The following MBD2 variants were observed in gnomAD, a reference collection of about 807,000 sequenced individuals.
MBD2 encodes methyl-CpG-binding domain protein 2.
Under a neutral mutation model 39.3 loss-of-function variants are expected in MBD2, and 9 were observed. The ratio of observed to expected loss-of-function variants is 0.23; its 90% CI spans 0.14 to 0.40. The LOEUF (loss-of-function observed/expected upper bound fraction) is 0.40. Ranked by LOEUF, MBD2 falls within the 10% of genes least tolerant of loss-of-function variation. The probability of loss-of-function intolerance (pLI) is 1.00; values close to 1 mark genes in which losing one functional copy is unlikely to be tolerated. For synonymous variants in MBD2, 233 were observed against 211.1 expected, an observed-to-expected ratio of 1.10 and a Z score of -0.90; for missense variants, 458 against 532.6, an observed-to-expected ratio of 0.86 and a Z score of 1.38.
chr18:54,219,705 C>G (rs1453042570), intron 1 of MBD2, among the ~76,000 whole-genome samples: 1 of 152,026 alleles, frequency 6.6e-6, no homozygotes, highest in East Asian at 1.9e-4. Flanking sequence ...TAAAGGCAAA[C>G]CAAGGTGAGG....
intron 3 of MBD2, among the ~76,000 whole-genome samples, chr18:54,188,452 A>T (rs899104363): frequency 4.6e-5 from 7 of 152,230 alleles, no homozygotes; most frequent in African/African-American, 1.4e-4. Context: ...AAGGGGTGGG[A>T]CAGATTTCAC....
At chr18:54,205,888 A>T (rs2926997) in intron 1 of MBD2, among the ~76,000 whole-genome samples, 1 of 151,974 alleles carries the variant, frequency 6.6e-6, no homozygotes, top group South Asian at 2.1e-4. Context: ...CAACTACGCC[A>T]GCAATAATCA....
chr18:54,178,926 T>TG (rs1421645055), intron 3 of MBD2, among the ~76,000 whole-genome samples: 3 of 152,150 alleles, frequency 2.0e-5, no homozygotes, highest in African/African-American at 4.8e-5. Context: ...GAAAATCACA[T>TG]GAAAAAAACT....
intron 5 of MBD2, among the ~76,000 whole-genome samples, chr18:54,161,051 A>G (rs572593055): frequency 6.6e-6 from 1 of 152,324 alleles, no homozygotes; most frequent in South Asian, 2.1e-4. Flanking sequence ...GGGACAGCAG[A>G]GAGGTAGAGG....
In MBD2 at chr18:54,152,748, C is replaced by G. The variant is rs1377690293; in HGVS notation, c.*2576G>C. On this transcript the variant is annotated 3_prime_UTR_variant, in exon 7 of 7. Coordinates refer to ENST00000256429, the MANE Select transcript of MBD2 (RefSeq NM_003927.5). Reference sequence around the variant, plus strand: ...CAATAGTGTGCTCCAATGTGAGCACCCACTATGTGCCAGGCACTGTGCTAC... The same window carrying G: ...CAATAGTGTGCTCCAATGTGAGCACGCACTATGTGCCAGGCACTGTGCTAC... 6.6e-6 allele frequency: 1 copy of G among 152,126 alleles called. No individual in the cohort carries two copies. Among genetic ancestry groups the G allele is most frequent in the African/African-American group, 2.4e-5 (1 of 41,422 alleles). 9.4% of individuals were successfully genotyped at this position (152,126 alleles called of 1,614,324 possible). A position where few individuals can be genotyped will look rare whatever the true frequency, so the allele number is the denominator to read the frequency against.
At chr18:54,177,949 C>G (rs910545953) in intron 3 of MBD2, among the ~76,000 whole-genome samples, 1 of 149,400 alleles carries the variant, frequency 6.7e-6, no homozygotes, top group East Asian at 2.0e-4. Context: ...AAGGAATCCT[C>G]CTGCCTCAGC....
At chr18:54,167,048 C>T (rs1032791036) in intron 3 of MBD2, among the ~76,000 whole-genome samples, 1 of 152,132 alleles carries the variant, frequency 6.6e-6, no homozygotes, top group Non-Finnish European at 1.5e-5. Flanking sequence ...TGTCACTGTC[C>T]TCATGCCTCA....
At chr18:54,219,835 C>G (rs1159148899) in intron 1 of MBD2, among the ~76,000 whole-genome samples, 3 of 152,220 alleles carry the variant, frequency 2.0e-5, no homozygotes, top group Non-Finnish European at 4.4e-5. Context: ...GTGTCTCGCT[C>G]TGTCGCCCAG....
chr18:54,203,317 G>C (rs2086423708), intron 2 of MBD2, among the ~76,000 whole-genome samples: 1 of 152,116 alleles, frequency 6.6e-6, no homozygotes, highest in Non-Finnish European at 1.5e-5. Context: ...GGCAATTTTA[G>C]AAAAATACAC....
At position 54,222,464 on chromosome 18, in the gene MBD2, C is replaced by T. The variant is rs200543421; in HGVS notation, c.542+1554G>A. Reference sequence around the variant, plus strand: ...ATATTTAATGATGAGGAAATACAAACCAAGACTATCACACTTTTTCTTTTT... The same window carrying T: ...ATATTTAATGATGAGGAAATACAAATCAAGACTATCACACTTTTTCTTTTT... On this transcript the variant is annotated intron_variant, in intron 1 of 6. Coordinates refer to ENST00000256429, the MANE Select transcript of MBD2 (RefSeq NM_003927.5). 4.5e-4 allele frequency: 203 copies of T among 448,390 alleles called. 1 individual carries two copies. In the Middle Eastern group the frequency reaches 0.018, roughly 39 times the overall value. The allele number at this position is 448,390 out of a possible 1,614,324, so 27.8% of individuals were successfully genotyped here. A position where few individuals can be genotyped will look rare whatever the true frequency, so the allele number is the denominator to read the frequency against.
intron 2 of MBD2, among the ~76,000 whole-genome samples, chr18:54,203,348 T>C (rs1006956109): frequency 6.6e-5 from 10 of 152,158 alleles, no homozygotes; most frequent in African/African-American, 2.4e-4. Context: ...CTCTGTGCAT[T>C]TAAGAAGCAA....
intron 6 of MBD2, among the ~76,000 whole-genome samples, chr18:54,155,530 T>A (rs1008125224): frequency 2.0e-5 from 3 of 152,244 alleles, no homozygotes; most frequent in Non-Finnish European, 2.9e-5. Context: ...TTTACTATCC[T>A]GTTAATTTTC....
chr18:54,181,236 T>A (rs1295120943), intron 3 of MBD2, among the ~76,000 whole-genome samples: 1 of 152,176 alleles, frequency 6.6e-6, no homozygotes, highest in Non-Finnish European at 1.5e-5. Flanking sequence ...AATGTCTCAA[T>A]TGCAATTCTT....
intron 1 of MBD2, among the ~76,000 whole-genome samples, chr18:54,205,643 C>A (rs1230177043): frequency 6.6e-6 from 1 of 151,566 alleles, no homozygotes; most frequent in East Asian, 1.9e-4. Flanking sequence ...TCCGTAACTT[C>A]CCTGTAAGAA....
At position 54,224,344 on chromosome 18, in the gene MBD2, G is replaced by A; in HGVS notation, c.216C>T (p.Gly72=). 1.8e-6 allele frequency: 2 copies of A among 1,085,506 alleles called. No homozygotes were observed. The highest frequency in any genetic ancestry group is 6.0e-5 in the East Asian group (1 of 16,674). The allele number at this position is 1,085,506 out of a possible 1,614,324, so 67.2% of individuals were successfully genotyped here. A position where few individuals can be genotyped will look rare whatever the true frequency, so the allele number is the denominator to read the frequency against. The part of the protein sequence containing the change: ...GRWKQAGRGG[G]VCGRGRGRGR... ...CCCGGCCCCGGCCACGGCCACAGAC[G>A]CCGCCGCCCCGGCCCGCCTGCTTCC... Residue 72 remains glycine (G), a synonymous_variant, in exon 1 of 7, where the codon GGC becomes GGT. Coordinates refer to ENST00000256429, the MANE Select transcript of MBD2 (RefSeq NM_003927.5).
rs2086648002 is a variant in MBD2, at chr18:54,224,636, AGCGCGGCGCGCGGGGGACGC to A, written c.-97_-78del. On this transcript the variant is annotated 5_prime_UTR_variant, in exon 1 of 7. Transcript: ENST00000256429. ...AATCCCGGAGACCCGCCCCGCCCGC[AGCGCGGCGCGCGGGGGACGC>A]GCGCAAGCATCATAGAGCGGGCGCG... The A allele has an allele frequency of 9.4e-7, 1 of 1,066,992 alleles. No homozygotes were observed. The highest frequency in any genetic ancestry group is 4.8e-5 in the South Asian group (1 of 20,978). 66.1% of individuals were successfully genotyped at this position (1,066,992 alleles called of 1,614,324 possible). A position where few individuals can be genotyped will look rare whatever the true frequency, so the allele number is the denominator to read the frequency against.
At chr18:54,171,942 A>G (rs479852) in intron 3 of MBD2, among the ~76,000 whole-genome samples, 125,604 of 152,274 alleles carry the variant, frequency 0.82, 52,013 homozygotes, top group East Asian at 1. Context: ...CTTAACAAAA[A>G]CTCTGAAAGA....
intron 2 of MBD2, among the ~76,000 whole-genome samples, chr18:54,193,120 A>G (rs2086334819): frequency 6.6e-6 from 1 of 152,222 alleles, no homozygotes; most frequent in Admixed American, 6.5e-5. Context: ...GAAACAGTCA[A>G]TTCTATTACC....
chr18:54,181,791 G>C (rs1162224300), intron 3 of MBD2, among the ~76,000 whole-genome samples: 1 of 152,164 alleles, frequency 6.6e-6, no homozygotes, highest in Non-Finnish European at 1.5e-5. Flanking sequence ...GGGCCACTGT[G>C]CCCGGCCATC....
Sources: gnomAD v4.1 joint callset for allele counts (sites outside exome capture counted in the v4.1 genomes callset) on GRCh38, gnomAD v4.1.1 for gene constraint, MANE v1.5 for transcripts, NCBI Gene and HGNC (gene_info 2026-07-23, HGNC 2026-07-21) for gene names.